The following CDH9 variants were observed in gnomAD, a reference collection of about 807,000 sequenced individuals.
CDH9 encodes cadherin-9.
Under a neutral mutation model 70.9 loss-of-function variants are expected in CDH9, and 28 were observed. The observed-to-expected ratio is 0.40, with a 90% confidence interval of 0.29 to 0.54. The LOEUF (loss-of-function observed/expected upper bound fraction) is 0.54, where lower values mean the gene tolerates loss of function less well. CDH9 is among the 20% of genes least tolerant of loss of function. The pLI is 0.59. For synonymous variants in CDH9, 409 were observed against 343.1 expected, an observed-to-expected ratio of 1.19 and a Z score of -2.12; for missense variants, 874 against 984.4, an observed-to-expected ratio of 0.89 and a Z score of 1.50.
intron 1 of CDH9, among the ~76,000 whole-genome samples, chr5:27,024,837 T>A (rs1330018303): frequency 6.6e-6 from 1 of 152,080 alleles, no homozygotes; most frequent in African/African-American, 2.4e-5. Flanking sequence ...ACTCTGTAGC[T>A]GAAAACATAG....
intron 2 of CDH9, among the ~76,000 whole-genome samples, chr5:26,954,455 G>A (rs1259495869): frequency 1.4e-5 from 2 of 140,390 alleles, no homozygotes; most frequent in African/African-American, 2.7e-5. Context: ...CGCCATCTCG[G>A]CTCACTGCAA....
At chr5:26,899,937 A>T (rs1477587517) in intron 7 of CDH9, among the ~76,000 whole-genome samples, 1 of 151,988 alleles carries the variant, frequency 6.6e-6, no homozygotes, top group African/African-American at 2.4e-5. Flanking sequence ...TTGAGAAAAT[A>T]AATAAATTTC....
intron 2 of CDH9, among the ~76,000 whole-genome samples, chr5:26,924,172 G>A (rs967053760): frequency 1.3e-5 from 2 of 151,786 alleles, no homozygotes; most frequent in Non-Finnish European, 2.9e-5. Flanking sequence ...TAAAAAAGAA[G>A]TAAATAAGTA....
intron 8 of CDH9, 32 bp downstream of exon 8, chr5:26,890,395 CA>C (rs775122116): frequency 1.4e-5 from 22 of 1,595,252 alleles, no homozygotes; most frequent in Non-Finnish European, 1.8e-5. Context: ...TGATGAAAGA[CA>C]GTGTCTTCGG....
At chr5:26,956,058 C>G (rs926453427) in intron 2 of CDH9, among the ~76,000 whole-genome samples, 1 of 152,106 alleles carries the variant, frequency 6.6e-6, no homozygotes, top group Non-Finnish European at 1.5e-5. Flanking sequence ...AGTTTCTGCC[C>G]TTGTTGAGGG....
chr5:26,974,337 T>C (rs1368098751), intron 2 of CDH9, among the ~76,000 whole-genome samples: 2 of 125,728 alleles, frequency 1.6e-5, no homozygotes, highest in African/African-American at 2.9e-5. Flanking sequence ...AAAAGAAACA[T>C]GATAGGTGCT....
chr5:26,989,655 T>TA (rs1742548526), intron 1 of CDH9, among the ~76,000 whole-genome samples: 1 of 152,064 alleles, frequency 6.6e-6, no homozygotes, highest in African/African-American at 2.4e-5. Context: ...AAGCAACTGA[T>TA]AGTCTTTTCT....
intron 1 of CDH9, among the ~76,000 whole-genome samples, chr5:27,019,435 T>A (rs13362316): frequency 0.022 from 3,365 of 152,132 alleles, 115 homozygotes; most frequent in African/African-American, 0.078. Context: ...ACACATTTTA[T>A]AACCTAGAAT....
At chr5:26,981,132 C>A (rs116560544) in intron 2 of CDH9, among the ~76,000 whole-genome samples, 1 of 152,016 alleles carries the variant, frequency 6.6e-6, no homozygotes, top group South Asian at 2.1e-4. Flanking sequence ...TAAAATTATT[C>A]GTATATTTCA....
At chr5:27,019,078 T>A (rs1743093354) in intron 1 of CDH9, among the ~76,000 whole-genome samples, 2 of 151,892 alleles carry the variant, frequency 1.3e-5, no homozygotes, top group African/African-American at 4.8e-5. Context: ...ACCCAGAAAT[T>A]GTGGGAGGAA....
intron 11 of CDH9, among the ~76,000 whole-genome samples, chr5:26,884,887 A>T (rs1740533684): frequency 6.6e-6 from 1 of 152,166 alleles, no homozygotes; most frequent in African/African-American, 2.4e-5. Context: ...TGCTCAAATA[A>T]AACATTCGCT....
At chr5:27,011,165 T>A (rs989722873) in intron 1 of CDH9, among the ~76,000 whole-genome samples, 2 of 152,006 alleles carry the variant, frequency 1.3e-5, no homozygotes, top group Non-Finnish European at 2.9e-5. Context: ...AAATATTTGG[T>A]CAACAGTTCT....
chr5:26,901,357 T>C (rs1044508453), intron 7 of CDH9, among the ~76,000 whole-genome samples: 5 of 151,934 alleles, frequency 3.3e-5, no homozygotes, highest in African/African-American at 7.2e-5. Flanking sequence ...TAACTACACA[T>C]TGGATTTTAT....
chr5:26,890,690 T>G (rs1740645483), intron 7 of CDH9, 126 bp from the exon 8 acceptor site: 2 of 655,744 alleles, frequency 3.0e-6, no homozygotes, highest in Admixed American at 5.1e-5. Flanking sequence ...GCTAACAACT[T>G]TCTTGAATTT....
chr5:26,913,678 C>T (rs1741093722), intron 3 of CDH9, among the ~76,000 whole-genome samples: 1 of 151,812 alleles, frequency 6.6e-6, no homozygotes, highest in Non-Finnish European at 1.5e-5. Context: ...AAACATCTTT[C>T]ATGCATAAAC....
Position 26,976,855 on chromosome 5 carries a change from T to A in CDH9, c.228+11251A>T, listed in dbSNP as rs1742309795. 2.6e-5 allele frequency among the ~76,000 whole-genome samples: 4 copies of A among 152,154 alleles called. No homozygotes were observed. The South Asian group carries it at 8.3e-4, about 32-fold the overall frequency. ...TATATCTTCTCTTATGTTTTTCTTA[T>A]CAATTTATAAATATTAGTAAGCATA... On this transcript the variant is annotated intron_variant, in intron 2 of 11. Transcript: ENST00000231021.
chr5:26,892,427 T>C (rs1274262902), intron 7 of CDH9, among the ~76,000 whole-genome samples: 2 of 152,188 alleles, frequency 1.3e-5, no homozygotes, highest in African/African-American at 4.8e-5. Context: ...CTCCACAGGC[T>C]AGGTTTTATA....
intron 2 of CDH9, among the ~76,000 whole-genome samples, chr5:26,925,888 A>C (rs1741327932): frequency 6.6e-6 from 1 of 152,120 alleles, no homozygotes; most frequent in South Asian, 2.1e-4. Flanking sequence ...GACAAAATTC[A>C]ACAGCCTTCA....
At chr5:26,997,906 G>A (rs1313494689) in intron 1 of CDH9, among the ~76,000 whole-genome samples, 1 of 152,086 alleles carries the variant, frequency 6.6e-6, no homozygotes, top group Non-Finnish European at 1.5e-5. Flanking sequence ...CACCATGTTA[G>A]CCCGGATGGT....
Sources: allele counts gnomAD v4.1 joint callset (sites outside exome capture counted in the v4.1 genomes callset), GRCh38; gene constraint gnomAD v4.1.1; transcripts MANE v1.5; gene names NCBI Gene and HGNC (gene_info 2026-07-23, HGNC 2026-07-21).